The following ITGBL1 variants were observed in gnomAD, a reference collection of about 807,000 sequenced individuals.
ITGBL1 encodes integrin beta-like protein 1.
In ITGBL1, 51 loss-of-function variants were observed where a neutral mutation model predicts 68.5. That is an observed-to-expected ratio of 0.74 (90% CI 0.59 to 0.94). The LOEUF (loss-of-function observed/expected upper bound fraction) is 0.94. ITGBL1 is among the 40% of genes least tolerant of loss of function. The pLI is 0.00. For synonymous variants in ITGBL1, 209 were observed against 227.3 expected (o/e 0.92, Z 0.72); for missense variants, 649 against 647.4 (o/e 1.00, Z -0.03).
chr13:101,544,695 G>A (rs886084591), intron 2 of ITGBL1, among the ~76,000 whole-genome samples: 10 of 152,108 alleles, frequency 6.6e-5, no homozygotes, highest in Admixed American at 6.5e-4. Context: ...GCTGCGGTGG[G>A]CTCCACCCAG....
chr13:101,666,689 A>G (rs1335319970), intron 7 of ITGBL1, among the ~76,000 whole-genome samples: 1 of 152,204 alleles, frequency 6.6e-6, no homozygotes, highest in Non-Finnish European at 1.5e-5. Context: ...GTTTATGAAC[A>G]TCTTTTGAAA....
chr13:101,534,836 A>AT (rs1030655159), intron 2 of ITGBL1, among the ~76,000 whole-genome samples: 4 of 152,172 alleles, frequency 2.6e-5, no homozygotes, highest in East Asian at 1.9e-4. Context: ...CATAAGTACA[A>AT]TTTTTTTCCA....
rs201619944 is a variant in ITGBL1 at position 101,575,520 on chromosome 13, A to G, written c.560A>G (p.Asp187Gly). The G allele has an allele frequency of 1.6e-5, 25 of 1,612,682 alleles. No homozygotes were observed. The highest frequency in any genetic ancestry group is 1.7e-6 in the Non-Finnish European group (2 of 1,179,030). Residue 187 changes from aspartate to glycine, a missense_variant, in exon 4 of 11, where the codon GAC becomes GGC. Transcript: ENST00000376180. ...FCECDDRECIDDETEEICGGH... is the reference protein window; with the variant it reads ...FCECDDRECIGDETEEICGGH... The stretch of plus-strand genomic sequence containing the variant: ...GAGTGTGACGATAGAGAATGCATAG[A>G]CGATGAAACAGAAGAAATATGTGGA...
chr13:101,600,237 T>C (rs1328314398), intron 7 of ITGBL1, among the ~76,000 whole-genome samples: 1 of 151,846 alleles, frequency 6.6e-6, no homozygotes, highest in Non-Finnish European at 1.5e-5. Flanking sequence ...GGCTCTCTGT[T>C]TGTCTGTTGT....
At chr13:101,462,799 T>TCTC (rs1237094872) in intron 2 of ITGBL1, among the ~76,000 whole-genome samples, 1 of 152,204 alleles carries the variant, frequency 6.6e-6, no homozygotes, top group Non-Finnish European at 1.5e-5. Context: ...GCCAGGCTGG[T>TCTC]CTCTAACTTC....
At chr13:101,521,805 T>C (rs535493809) in intron 2 of ITGBL1, among the ~76,000 whole-genome samples, 1 of 152,164 alleles carries the variant, frequency 6.6e-6, no homozygotes, top group Non-Finnish European at 1.5e-5. Flanking sequence ...TTCTTTTCCT[T>C]TCTTTCTTTT....
At chr13:101,597,738 A>T (rs972856425) in intron 6 of ITGBL1, among the ~76,000 whole-genome samples, 4 of 151,910 alleles carry the variant, frequency 2.6e-5, no homozygotes, top group African/African-American at 9.7e-5. Flanking sequence ...TTTTTAGTAG[A>T]GACCGGGGTT....
At position 101,454,066 on chromosome 13, in the gene ITGBL1, G is replaced by A. The variant is rs1000657820; in HGVS notation, c.282G>A (p.Trp94Ter). ...GGCCCCTGTGTGAGTGCCATGAGTG[G>A]GTGTGCGAGACCTACGACGGGAGCA... is the stretch of plus-strand genomic sequence containing the variant. The part of the protein sequence containing the change: ...FFGPLCECHE[W>*]VCETYDGSTC... The change falls in exon 2 of 11, where the codon TGG becomes TGA. Residue 94 changes from tryptophan to a stop codon, truncating the protein, a stop_gained. Coordinates refer to ENST00000376180, the MANE Select transcript of ITGBL1 (RefSeq NM_004791.3). LOFTEE classifies it high-confidence loss of function. The A allele has an allele frequency of 1.3e-6, 2 of 1,589,170 alleles. No individual in the cohort carries two copies. Among genetic ancestry groups the A allele is most frequent in the Admixed American group, 3.5e-5 (2 of 56,736 alleles).
chr13:101,631,245 T>C (rs2031968082), intron 7 of ITGBL1, among the ~76,000 whole-genome samples: 1 of 152,156 alleles, frequency 6.6e-6, no homozygotes, highest in Non-Finnish European at 1.5e-5. Context: ...AGTTAGTAAA[T>C]ATCTTGGGGA....
intron 2 of ITGBL1, among the ~76,000 whole-genome samples, chr13:101,518,833 A>G (rs368176326): frequency 1.3e-5 from 2 of 152,212 alleles, no homozygotes; most frequent in African/African-American, 4.8e-5. Context: ...TAATCCAATA[A>G]TCTCATGGGG....
chr13:101,510,612 C>T (rs137992867), intron 2 of ITGBL1, among the ~76,000 whole-genome samples: 143 of 152,230 alleles, frequency 9.4e-4, no homozygotes, highest in Non-Finnish European at 1.5e-3. Flanking sequence ...TACATTCCCA[C>T]GAACAGTGTA....
chr13:101,709,552 C>T (rs965062238), intron 9 of ITGBL1, among the ~76,000 whole-genome samples: 13 of 151,890 alleles, frequency 8.6e-5, no homozygotes, highest in Non-Finnish European at 1.9e-4. Flanking sequence ...CTGAGCATGG[C>T]TTCAGACATA....
intron 7 of ITGBL1, 36 bp downstream of exon 7, chr13:101,598,335 C>A: frequency 6.8e-7 from 1 of 1,477,992 alleles, no homozygotes; most frequent in Non-Finnish European, 9.0e-7. Context: ...CACGGCCTCT[C>A]CATCACAATT....
intron 7 of ITGBL1, among the ~76,000 whole-genome samples, chr13:101,625,626 C>T (rs758164658): frequency 6.6e-6 from 1 of 151,784 alleles, no homozygotes; most frequent in Non-Finnish European, 1.5e-5. Context: ...GATCTAGGCT[C>T]ACCGCAACCT....
intron 10 of ITGBL1, 58 bp from the exon 11 acceptor site, chr13:101,715,505 T>C (rs2034677341): frequency 1.8e-6 from 2 of 1,109,638 alleles, no homozygotes; most frequent in Admixed American, 3.4e-5. Flanking sequence ...TATAATAGCA[T>C]GTTTAAATTT....
chr13:101,687,716 T>G (rs1284859996), intron 7 of ITGBL1, among the ~76,000 whole-genome samples: 1 of 152,142 alleles, frequency 6.6e-6, no homozygotes, highest in South Asian at 2.1e-4. Context: ...TAAAACTTAA[T>G]AAGAGTAGGC....
intron 2 of ITGBL1, among the ~76,000 whole-genome samples, chr13:101,567,222 T>C (rs185190109): frequency 6.6e-6 from 1 of 152,288 alleles, no homozygotes; most frequent in African/African-American, 2.4e-5. Flanking sequence ...ATTTAATATA[T>C]CCATAAATTT....
chr13:101,493,370 A>G (rs2048809032), intron 2 of ITGBL1, among the ~76,000 whole-genome samples: 1 of 152,060 alleles, frequency 6.6e-6, no homozygotes, highest in Non-Finnish European at 1.5e-5. Context: ...TATTTCGATT[A>G]CATAGTTTTA....
At chr13:101,665,771 A>C (rs1473943484) in intron 7 of ITGBL1, among the ~76,000 whole-genome samples, 1 of 152,158 alleles carries the variant, frequency 6.6e-6, no homozygotes, top group African/African-American at 2.4e-5. Context: ...AAAGTGGGGA[A>C]TATGAAGGGA....
Sources: gnomAD v4.1 joint callset for allele counts (sites outside exome capture counted in the v4.1 genomes callset) on GRCh38, gnomAD v4.1.1 for gene constraint, MANE v1.5 for transcripts, NCBI Gene and HGNC (gene_info 2026-07-23, HGNC 2026-07-21) for gene names.